The following DST variants were observed in gnomAD, a reference collection of about 807,000 sequenced individuals.
DST encodes dystonin, also known as bullous pemphigoid antigen.
In DST, 253 loss-of-function variants were observed where a neutral mutation model predicts 875.2. The ratio of observed to expected loss-of-function variants is 0.29; its 90% confidence interval spans 0.26 to 0.32. The LOEUF (loss-of-function observed/expected upper bound fraction) is 0.32. Among genes scored for constraint, DST ranks in the 10% least tolerant of loss-of-function variants. The pLI is 1.00. For synonymous variants in DST, 3,124 were observed against 3,197.1 expected (o/e 0.98, Z 0.77); for missense variants, 8,287 against 9,111.6 (o/e 0.91, Z 3.68).
chr6:56,485,287 A>AAT (rs2095525520), intron 88 of DST, 25 bp downstream of exon 88: 1 of 1,612,550 alleles, frequency 6.2e-7, no homozygotes, highest in South Asian at 1.1e-5. Flanking sequence ...AACAAGATAA[A>AAT]ATAAAATGTC....
In DST at chr6:56,604,580, C is replaced by A. The variant is rs771094959; in HGVS notation, c.10048G>T (p.Val3350Leu). The change falls in exon 40 of 104, where the codon GTA becomes TTA. Residue 3350 changes from valine (V) to leucine (L), a missense_variant. Physicochemically the swap from Val to Leu is conservative, Grantham distance 32. Transcript: ENST00000680361. Reference protein sequence around the residue: ...KEVQIPELSQVFVEDVKDILK... With the variant: ...KEVQIPELSQLFVEDVKDILK... The stretch of plus-strand genomic sequence containing the variant: ...ATATCCTTTACATCCTCCACAAATA[C>A]CTGAGACAATTCAGGAATCTGAACC... 3 of 1,611,770 alleles carry A rather than the reference C, an allele frequency of 1.9e-6. No homozygotes were observed. The highest frequency in any genetic ancestry group is 2.5e-6 in the Non-Finnish European group (3 of 1,178,966).
At chr6:56,670,506 T>C (rs1328527246) in intron 10 of DST, 135 bp downstream of exon 10, 1 of 770,148 alleles carries the variant, frequency 1.3e-6, no homozygotes, top group Admixed American at 3.8e-5. Flanking sequence ...GCCAATTTTT[T>C]ATTTTAATTT....
intron 2 of DST, among the ~76,000 whole-genome samples, chr6:56,929,997 T>G (rs1327333351): frequency 1.3e-5 from 2 of 152,246 alleles, no homozygotes; most frequent in Non-Finnish European, 2.9e-5. Flanking sequence ...TCAACTTGAT[T>G]GTATTCCATT....
At chr6:56,951,776 T>C (rs1432422604) in intron 2 of DST, among the ~76,000 whole-genome samples, 1 of 152,188 alleles carries the variant, frequency 6.6e-6, no homozygotes, top group Non-Finnish European at 1.5e-5. Flanking sequence ...ACCGAATCCA[T>C]TTTGTTTCAA....
rs190605038 is a variant in DST at position 56,872,949 on chromosome 6, T to C, written c.418-21345A>G. On this transcript the variant is annotated intron_variant, in intron 3 of 103. Transcript: ENST00000680361. ...CATATTTTGTTTTCCACAATGGCTG[T>C]ACTAAACTTACATTCCTACCAATGA... Among the ~76,000 whole-genome samples the C allele has an allele frequency of 2.8e-4, 43 of 152,058 alleles. No individual in the cohort carries two copies. The South Asian group carries it at 5.8e-3, about 21-fold the overall frequency.
intron 4 of DST, chr6:56,843,378 G>A: frequency 8.6e-7 from 1 of 1,159,708 alleles, no homozygotes; most frequent in South Asian, 4.3e-5. Context: ...GGGCCGCCCG[G>A]CTCCGGGAGC....
intron 3 of DST, among the ~76,000 whole-genome samples, chr6:56,853,090 G>A (rs190075888): frequency 1.6e-4 from 25 of 152,172 alleles, no homozygotes; most frequent in Middle Eastern, 6.8e-3. Context: ...AGAAGTTCAC[G>A]TAATATTTCC....
intron 4 of DST, among the ~76,000 whole-genome samples, chr6:56,808,880 T>G (rs951295259): frequency 1.3e-5 from 2 of 152,204 alleles, no homozygotes; most frequent in African/African-American, 2.4e-5. Flanking sequence ...ACTTCAGTAA[T>G]TTGTGAATAA....
chr6:56,875,492 A>G (rs954769981), intron 3 of DST, among the ~76,000 whole-genome samples: 3 of 152,250 alleles, frequency 2.0e-5, no homozygotes, highest in African/African-American at 4.8e-5. Context: ...TTGAATTGCA[A>G]CTGGGCAGTT....
chr6:56,862,101 G>A (rs775543269), intron 3 of DST, among the ~76,000 whole-genome samples: 1 of 152,078 alleles, frequency 6.6e-6, no homozygotes, highest in Non-Finnish European at 1.5e-5. Context: ...TCAGCAGCTT[G>A]GTCAAATGTG....
intron 4 of DST, among the ~76,000 whole-genome samples, chr6:56,810,846 GT>G (rs536745923): frequency 1.5e-3 from 225 of 152,146 alleles, no homozygotes; most frequent in Non-Finnish European, 2.6e-3. Context: ...AACACCTCAG[GT>G]TTTCAAGGAG....
At chr6:56,617,862 G>A (rs2098642970) in intron 36 of DST, 6 of 794,918 alleles carry the variant, frequency 7.5e-6, no homozygotes, top group Non-Finnish European at 1.3e-5. Flanking sequence ...TTATTTTCCT[G>A]TCAGAACTAC....
intron 4 of DST, among the ~76,000 whole-genome samples, chr6:56,753,315 C>T (rs2099593397): frequency 6.6e-6 from 1 of 152,174 alleles, no homozygotes; most frequent in Non-Finnish European, 1.5e-5. Flanking sequence ...AAACAGTGAA[C>T]AGAACATTCA....
At chr6:56,603,146 T>TA in intron 42 of DST, 59 bp downstream of exon 42, 2 of 1,552,690 alleles carry the variant, frequency 1.3e-6, no homozygotes, top group Non-Finnish European at 1.8e-6. Context: ...AGCTTATGAC[T>TA]AAATCCTCAA....
At chr6:56,851,793 T>C in intron 3 of DST, 189 bp from the exon 4 acceptor site, 1 of 1,551,702 alleles carries the variant, frequency 6.4e-7, no homozygotes, top group Non-Finnish European at 8.7e-7. Flanking sequence ...CTCACCATCT[T>C]TTCTTGGCCA....
chr6:56,847,369 T>C (rs2099808276), intron 4 of DST, among the ~76,000 whole-genome samples: 1 of 152,238 alleles, frequency 6.6e-6, no homozygotes, highest in South Asian at 2.1e-4. Flanking sequence ...TGTTAAGACA[T>C]GTGACGCCTT....
At chr6:56,954,088 G>C (rs907159750) in intron 1 of DST, among the ~76,000 whole-genome samples, 19 of 152,248 alleles carry the variant, frequency 1.2e-4, no homozygotes, top group African/African-American at 4.3e-4. Context: ...CTCCAGCGAA[G>C]GATGCGTGAA....
intron 2 of DST, among the ~76,000 whole-genome samples, chr6:56,931,342 T>C (rs534785642): frequency 1.9e-3 from 282 of 152,240 alleles, no homozygotes; most frequent in African/African-American, 3.7e-3. Context: ...AGAAGATGTA[T>C]GGAAATGCCT....
intron 3 of DST, among the ~76,000 whole-genome samples, chr6:56,859,772 A>G (rs1441575912): frequency 1.3e-5 from 2 of 152,232 alleles, no homozygotes; most frequent in African/African-American, 4.8e-5. Flanking sequence ...ATAATTAAAT[A>G]TCAATCATCT....
Sources: allele counts gnomAD v4.1 joint callset (sites outside exome capture counted in the v4.1 genomes callset), GRCh38; gene constraint gnomAD v4.1.1; transcripts MANE v1.5; gene names NCBI Gene and HGNC (gene_info 2026-07-23, HGNC 2026-07-21).